SSPN: variants seen among roughly 807,000 people sequenced by gnomAD.
SSPN encodes sarcospan, also known as K-ras oncogene-associated protein.
Under a neutral mutation model 19.1 loss-of-function variants are expected in SSPN, and 15 were observed. The observed-to-expected ratio is 0.78, with a 90% CI of 0.52 to 1.21. SSPN has a LOEUF of 1.21. Among genes scored for constraint, SSPN ranks in the 50% most tolerant of loss-of-function variants. The probability of loss-of-function intolerance (pLI) is 0.00; values close to 1 mark genes in which losing one functional copy is unlikely to be tolerated. For synonymous variants in SSPN, 147 were observed against 140.3 expected (o/e 1.05, Z -0.34); for missense variants, 291 against 314.0 (o/e 0.93, Z 0.55).
intron 1 of SSPN, chr12:26,124,864 G>A (rs147934181): frequency 2.1e-4 from 279 of 1,325,886 alleles, no homozygotes; most frequent in Admixed American, 2.5e-4. Context: ...GAGACCTTGG[G>A]GGGATCTGTG....
At chr12:26,163,433 C>T (rs1944601949) in intron 1 of SSPN, among the ~76,000 whole-genome samples, 1 of 152,054 alleles carries the variant, frequency 6.6e-6, no homozygotes, top group Non-Finnish European at 1.5e-5. Flanking sequence ...TAACAGATTA[C>T]CTAAGATTGG....
chr12:26,182,617 C>CCCTTCCCTTCCCTTG, intron 1 of SSPN, among the ~76,000 whole-genome samples: 1 of 134,512 alleles, frequency 7.4e-6, no homozygotes, highest in Non-Finnish European at 1.6e-5. Flanking sequence ...CCCTTCCCTT[C>CCCTTCCCTTCCCTTG]CCTTCCCTTC....
At chr12:26,131,766 A>C (rs892300405) in intron 1 of SSPN, among the ~76,000 whole-genome samples, 27 of 152,220 alleles carry the variant, frequency 1.8e-4, no homozygotes, top group Non-Finnish European at 3.7e-4. Flanking sequence ...TGTCTTATAA[A>C]CAATGTCCAG....
intron 1 of SSPN, chr12:26,124,253 G>GCCCCCCCCCCCCCCCCC (rs5797164): frequency 1.3e-6 from 1 of 755,862 alleles, no homozygotes; most frequent in Non-Finnish European, 2.2e-6. Context: ...ACCCTCGTCT[G>GCCCCCCCCCCCCCCCCC]CCCCCCCCGC....
chr12:26,149,442 G>A (rs1280428396), intron 1 of SSPN, among the ~76,000 whole-genome samples: 1 of 151,972 alleles, frequency 6.6e-6, no homozygotes, highest in African/African-American at 2.4e-5. Context: ...ACTTTATTTG[G>A]GGGCAAAAAA....
chr12:26,141,986 C>A (rs1007699927), intron 1 of SSPN, among the ~76,000 whole-genome samples: 2 of 152,102 alleles, frequency 1.3e-5, no homozygotes, highest in African/African-American at 4.8e-5. Flanking sequence ...CTATTGGGCA[C>A]AACCTTGAAG....
chr12:26,228,673 C>G (rs1029777533), intron 2 of SSPN, among the ~76,000 whole-genome samples: 13 of 151,852 alleles, frequency 8.6e-5, no homozygotes, highest in Admixed American at 1.3e-4. Context: ...CACACACACA[C>G]AGAACATGGT....
intron 1 of SSPN, among the ~76,000 whole-genome samples, chr12:26,140,947 C>G (rs7304897): frequency 0.98 from 149,261 of 152,320 alleles, 73,195 homozygotes; most frequent in South Asian, 1. Context: ...AAAGCAGCTC[C>G]TGCCACTTTT....
At chr12:26,169,944 C>G (rs911435090) in intron 1 of SSPN, among the ~76,000 whole-genome samples, 4 of 152,132 alleles carry the variant, frequency 2.6e-5, no homozygotes, top group Non-Finnish European at 4.4e-5. Flanking sequence ...GTTCCTCCTC[C>G]CACGGATTTG....
intron 1 of SSPN, among the ~76,000 whole-genome samples, chr12:26,135,761 A>G (rs1944421556): frequency 1.3e-5 from 2 of 152,230 alleles, no homozygotes; most frequent in South Asian, 2.1e-4. Context: ...CCCGGTGACC[A>G]CAAGCCATCA....
At chr12:26,164,468 T>G (rs540154656) in intron 1 of SSPN, among the ~76,000 whole-genome samples, 1 of 152,220 alleles carries the variant, frequency 6.6e-6, no homozygotes, top group Non-Finnish European at 1.5e-5. Context: ...TGAGGCCATG[T>G]GTTCTAGGCT....
At chr12:26,122,795 G>A in intron 1 of SSPN, 1 of 1,591,622 alleles carries the variant, frequency 6.3e-7, no homozygotes, top group Admixed American at 1.7e-5. Flanking sequence ...CGCCGTAGCC[G>A]CTGTCGGTGT....
At chr12:26,193,373 T>C (rs1944800843), upstream of SSPN, among the ~76,000 whole-genome samples, 2 of 152,210 alleles carry the variant, frequency 1.3e-5, no homozygotes, top group South Asian at 4.1e-4. Flanking sequence ...TCAAATTTTT[T>C]CATCTTTAAA....
chr12:26,222,406 C>G (rs7966533), intron 1 of SSPN, among the ~76,000 whole-genome samples: 151,148 of 152,382 alleles, frequency 0.99, 74,968 homozygotes, highest in East Asian at 1. Context: ...TGCCATGTTG[C>G]CTTTGCAAAC....
rs111498865 is a variant in SSPN, at chr12:26,132,953, G to A, written c.-31+10801G>A. ...CCCCAGTTGCTTGGTCATTGCCCTA[G>A]CAGGTTTCTTTTAGGGGGAGATTAG... On this transcript the variant is annotated intron_variant, in intron 1 of 2. Coordinates refer to the SSPN transcript ENST00000538142. 5.1e-4 allele frequency among the ~76,000 whole-genome samples: 77 copies of A among 152,276 alleles called. 1 individual carries two copies. The highest frequency in any genetic ancestry group is 1.8e-3 in the African/African-American group (76 of 41,546).
At chr12:26,202,829 T>C (rs1944898203) in intron 1 of SSPN, among the ~76,000 whole-genome samples, 1 of 152,218 alleles carries the variant, frequency 6.6e-6, no homozygotes, top group South Asian at 2.1e-4. Context: ...TATGTTTCTA[T>C]GTTACTGTAG....
At chr12:26,136,533 A>C (rs1944426004) in intron 1 of SSPN, among the ~76,000 whole-genome samples, 1 of 152,198 alleles carries the variant, frequency 6.6e-6, no homozygotes, top group Non-Finnish European at 1.5e-5. Context: ...CCATCCTAGT[A>C]GGTGAGCAAT....
chr12:26,186,052 A>C (rs1368479586), intron 1 of SSPN, among the ~76,000 whole-genome samples: 1 of 152,214 alleles, frequency 6.6e-6, no homozygotes, highest in Non-Finnish European at 1.5e-5. Context: ...AAGAAATAAA[A>C]TGAAAAGGCA....
rs142088547 is a variant in SSPN at position 26,159,353 on chromosome 12, C to T, written c.-31+37201C>T. Among the ~76,000 whole-genome samples, 10 of 152,338 alleles carry T rather than the reference C, an allele frequency of 6.6e-5. No individual in the cohort carries two copies. In the East Asian group the frequency reaches 9.6e-4, roughly 15 times the overall value. On this transcript the variant is annotated intron_variant, in intron 1 of 2. Transcript: ENST00000538142. ...ACCCTAGAAACAATGGTGGGAAAAA[C>T]GAGTAAACTGGAACAGGCAGGGAAG...
Sources: allele counts gnomAD v4.1 joint callset (sites outside exome capture counted in the v4.1 genomes callset), GRCh38; gene constraint gnomAD v4.1.1; transcripts MANE v1.5; gene names NCBI Gene and HGNC (gene_info 2026-07-23, HGNC 2026-07-21).